The following ITPR3 variants were observed in gnomAD, a reference collection of about 807,000 sequenced individuals.
ITPR3 encodes the protein inositol 1,4,5-trisphosphate receptor type 3.
In ITPR3, 173 loss-of-function variants were observed where a neutral mutation model predicts 293.2. That is an observed-to-expected ratio of 0.59 (90% CI 0.52 to 0.67). The LOEUF is 0.67. Among genes scored for constraint, ITPR3 ranks in the 30% least tolerant of loss-of-function variants. The pLI is 0.00. For synonymous variants in ITPR3, 1,295 were observed against 1,444.4 expected (o/e 0.90, Z 2.35); for missense variants, 2,796 against 3,592.1 (o/e 0.78, Z 5.66).
Position 33,684,533 on chromosome 6 carries a change from C to G in ITPR3, c.5047-65C>G, listed in dbSNP as rs1765169793. On this transcript the variant is annotated intron_variant, in intron 37 of 57. Coordinates refer to ENST00000605930, the MANE Select transcript of ITPR3 (RefSeq NM_002224.4). This position sits in a 1 kb window ranked among gnomAD's most constrained non-coding sequence, Gnocchi z 4.2. ...AGTACCCAGGGGCTCAGGGTCAAGC[C>G]CGTCAGGCCAGTGGTCAGTGGTGGG... The G allele has an allele frequency of 6.2e-7, 1 of 1,606,480 alleles. No individual in the cohort carries two copies. Among genetic ancestry groups the G allele is most frequent in the African/African-American group, 1.3e-5 (1 of 74,756 alleles).
At position 33,664,882 on chromosome 6, in the gene ITPR3, C is replaced by T. The variant is rs752458637; in HGVS notation, c.1161C>T (p.Val387=). The T allele has an allele frequency of 2.1e-5, 34 of 1,613,694 alleles. 1 individual carries two copies. Among genetic ancestry groups the T allele is most frequent in the Non-Finnish European group, 1.7e-6 (2 of 1,180,000 alleles). ...CACCCACCTGCAGGAACTCGTACGTCCGGCTGCGGCACCTCTGCACCAACA... is the reference window on the plus strand; with the variant it reads ...CACCCACCTGCAGGAACTCGTACGTTCGGCTGCGGCACCTCTGCACCAACA... ...TDSFVPRNSY[V]RLRHLCTNTW... is the part of the protein sequence containing the mutation. The change falls in exon 12 of 58, where the codon GTC becomes GTT. Residue 387 remains valine, a synonymous_variant. Coordinates refer to ENST00000605930, the MANE Select transcript of ITPR3 (RefSeq NM_002224.4). This position sits in a 1 kb window ranked among gnomAD's most constrained non-coding sequence, Gnocchi z 4.4.
At chr6:33,660,201 C>T (rs559560224) in intron 7 of ITPR3, among the ~76,000 whole-genome samples, 146 of 152,106 alleles carry the variant, frequency 9.6e-4, no homozygotes, top group African/African-American at 3.3e-3. Flanking sequence ...AACCAGCAGA[C>T]GGGGTGTAGA....
At position 33,624,207 on chromosome 6, in the gene ITPR3, G is replaced by C. The variant is rs1763503921; in HGVS notation, c.89+2516G>C. ...ACTGCTTTGTACAAACCACTCTCTGGTGTTCCTCACATTGGAGGCTTCCCT... is the reference window on the plus strand; with the variant it reads ...ACTGCTTTGTACAAACCACTCTCTGCTGTTCCTCACATTGGAGGCTTCCCT... On this transcript the variant is annotated intron_variant, in intron 1 of 57. Transcript: ENST00000605930. This position sits in a 1 kb window ranked among gnomAD's most constrained non-coding sequence, Gnocchi z 4.7. 6.6e-6 allele frequency among the ~76,000 whole-genome samples: 1 copy of C among 152,170 alleles called. No individual in the cohort carries two copies. Among genetic ancestry groups the C allele is most frequent in the Admixed American group, 6.5e-5 (1 of 15,284 alleles).
Position 33,662,517 on chromosome 6 carries a change from G to T in ITPR3, c.712-11G>T. On this transcript the variant is annotated splice_polypyrimidine_tract_variant and intron_variant, in intron 7 of 57. Coordinates refer to ENST00000605930, the MANE Select transcript of ITPR3 (RefSeq NM_002224.4). ...CCGCAGCCATCCTGAGCCACACCCT[G>T]CTGCCTGCAGGGAGACGTGGTGCGG... The T allele has an allele frequency of 6.4e-7, 1 of 1,574,784 alleles. No homozygotes were observed.
At position 33,640,512 on chromosome 6, in the gene ITPR3, C is replaced by T. The variant is rs1478928274; in HGVS notation, c.118C>T (p.Pro40Ser). The change falls in exon 2 of 58, where the codon CCC becomes TCC. Residue 40 changes from proline to serine, a missense_variant. Around this residue, in one of 8 missense-constraint regions of ITPR3, gnomAD observed 22 missense variants for 56.5 expected, o/e 0.39. Transcript: ENST00000605930. ...GGTGGATGACCGCTGTGTGGTGGAG[C>T]CCGCGGCCGGGGACCTGGACAACCC... ...GLVDDRCVVE[P>S]AAGDLDNPPK... The T allele has an allele frequency of 1.2e-6, 2 of 1,613,546 alleles. No homozygotes were observed. Among genetic ancestry groups the T allele is most frequent in the African/African-American group, 1.3e-5 (1 of 74,888 alleles).
At chr6:33,631,592 G>C (rs544464500) in intron 1 of ITPR3, among the ~76,000 whole-genome samples, 15 of 152,220 alleles carry the variant, frequency 9.9e-5, no homozygotes, top group Non-Finnish European at 2.2e-4. Flanking sequence ...GAGCATGAAA[G>C]TGGACAAGGA....
intron 50 of ITPR3, 45 bp from the exon 51 acceptor site, chr6:33,689,989 A>AT: frequency 6.2e-7 from 1 of 1,611,220 alleles, no homozygotes. Flanking sequence ...CAGATTCAGC[A>AT]TAGGTGGTAG....
chr6:33,641,602 G>A (rs1327412687), intron 2 of ITPR3, among the ~76,000 whole-genome samples: 1 of 151,900 alleles, frequency 6.6e-6, no homozygotes, highest in Non-Finnish European at 1.5e-5. Context: ...GGCCCTGGAC[G>A]AACCGCACCA....
chr6:33,690,635 G>A (rs548684361), intron 51 of ITPR3, among the ~76,000 whole-genome samples: 1 of 152,318 alleles, frequency 6.6e-6, no homozygotes, highest in South Asian at 2.1e-4. Context: ...CTGGCATGCA[G>A]CAAGTACATT....
chr6:33,659,028 T>TG lies in ITPR3; in HGVS notation c.541dup (p.Asp181GlyfsTer75). On this transcript the variant is annotated frameshift_variant, in exon 6 of 58. Transcript: ENST00000605930. LOFTEE classifies it high-confidence loss of function. ...TCCCACCTGTCTGCTCAGGTGGTCG[T>TG]GGGGGACAAGGTGATCCTGAATCCT... The TG allele has an allele frequency of 6.2e-7, 1 of 1,613,452 alleles. No individual in the cohort carries two copies.
Position 33,633,555 on chromosome 6 carries a change from G to T in ITPR3, c.90-6929G>T, listed in dbSNP as rs1763733599. 6.6e-6 allele frequency among the ~76,000 whole-genome samples: 1 copy of T among 152,008 alleles called. No individual in the cohort carries two copies. Among genetic ancestry groups the T allele is most frequent in the Non-Finnish European group, 1.5e-5 (1 of 67,936 alleles). ...GCCCTCCGCGGGCAGACGAGCGGGG[G>T]AGAGCAGGAAAGCGCGGGCGCAGCG... On this transcript the variant is annotated intron_variant, in intron 1 of 57. Transcript: ENST00000605930. This position sits in a 1 kb window ranked among gnomAD's most constrained non-coding sequence, Gnocchi z 5.2.
At chr6:33,646,084 C>T (rs972044179) in intron 2 of ITPR3, among the ~76,000 whole-genome samples, 1 of 152,156 alleles carries the variant, frequency 6.6e-6, no homozygotes, top group Admixed American at 6.6e-5. Flanking sequence ...GATCCACCCG[C>T]CTCGGTCTCC....
At position 33,684,933 on chromosome 6, in the gene ITPR3, C is replaced by T. The variant is rs941325106; in HGVS notation, c.5297C>T (p.Thr1766Ile). The T allele has an allele frequency of 6.2e-7, 1 of 1,611,000 alleles. No individual in the cohort carries two copies. Among genetic ancestry groups the T allele is most frequent in the Non-Finnish European group, 8.5e-7 (1 of 1,178,194 alleles). The change falls in exon 39 of 58, where the codon ACA (threonine) becomes ATA (isoleucine). Residue 1766 changes from threonine to isoleucine, a missense_variant. Thr to Ile is a moderately conservative substitution (Grantham distance 89, BLOSUM62 -1). Around this residue, in one of 8 missense-constraint regions of ITPR3, gnomAD observed 704 missense variants for 797.5 expected, o/e 0.88. Coordinates refer to ENST00000605930, the MANE Select transcript of ITPR3 (RefSeq NM_002224.4). This position sits in a 1 kb window ranked among gnomAD's most constrained non-coding sequence, Gnocchi z 4.2. Reference sequence around the variant, plus strand: ...ATCCACCTGCTGGATGGTGGCAACACAGAGATCCAGGTGTGGGGGGCCTGG... The same window carrying T: ...ATCCACCTGCTGGATGGTGGCAACATAGAGATCCAGGTGTGGGGGGCCTGG... ...LAIHLLDGGN[T>I]EIQKSFHNLM...
intron 48 of ITPR3, 73 bp from the exon 49 acceptor site, chr6:33,688,582 CG>C: frequency 6.3e-7 from 1 of 1,588,948 alleles, no homozygotes; most frequent in African/African-American, 1.3e-5. Flanking sequence ...TCCTCCTGAG[CG>C]GGGCCCCACA....
intron 1 of ITPR3, among the ~76,000 whole-genome samples, chr6:33,636,184 C>T (rs1763819672): frequency 6.7e-6 from 1 of 150,318 alleles, no homozygotes; most frequent in South Asian, 2.1e-4. Context: ...CACCTGTAAT[C>T]CCAGCTACTT....
At chr6:33,645,230 A>G (rs2127238247) in intron 2 of ITPR3, among the ~76,000 whole-genome samples, 1 of 152,146 alleles carries the variant, frequency 6.6e-6, no homozygotes, top group Non-Finnish European at 1.5e-5. Context: ...GCTACTCAGG[A>G]GGCTAAGGCA....
chr6:33,631,289 C>T (rs1053483275), intron 1 of ITPR3, among the ~76,000 whole-genome samples: 2 of 152,298 alleles, frequency 1.3e-5, no homozygotes, highest in South Asian at 2.1e-4. Context: ...CATCAAGACG[C>T]GGAGACCAGT....
chr6:33,680,338 G>T lies in ITPR3; in HGVS notation c.4234G>T (p.Ala1412Ser), dbSNP rs201403734. Residue 1412 changes from alanine to serine, a missense_variant, in exon 32 of 58, where the codon GCC becomes TCC. Physicochemically the swap from Ala to Ser is moderately conservative, Grantham distance 99. This residue lies in a region of ITPR3 where 344 missense variants were observed against 460.3 expected (regional missense o/e 0.75). Transcript: ENST00000605930. Reference sequence around the variant, plus strand: ...CCCGCCCACTGCCCAGGTGAAAATGGCCTATGTGAACTTCGTGAACCACTG... The same window carrying T: ...CCCGCCCACTGCCCAGGTGAAAATGTCCTATGTGAACTTCGTGAACCACTG... ...HEDCITEVKMAYVNFVNHCYV... is the reference protein window; with the variant it reads ...HEDCITEVKMSYVNFVNHCYV... 54 of 1,613,362 alleles carry T rather than the reference G, an allele frequency of 3.3e-5. No homozygotes were observed. The highest frequency in any genetic ancestry group is 4.3e-5 in the Non-Finnish European group (51 of 1,179,918).
Position 33,684,490 on chromosome 6 carries a change from CT to C in ITPR3, c.5046+26del. The C allele has an allele frequency of 6.2e-7, 1 of 1,609,450 alleles. No homozygotes were observed. The highest frequency in any genetic ancestry group is 2.2e-5 in the East Asian group (1 of 44,842). The stretch of plus-strand genomic sequence containing the variant: ...GGTGAGTGCCCTGGTGGGGCAAGTG[CT>C]GGGTGGGCCAGTCAGGAGTACCCAG... On this transcript the variant is annotated intron_variant, in intron 37 of 57. Transcript: ENST00000605930. This position sits in a 1 kb window ranked among gnomAD's most constrained non-coding sequence, Gnocchi z 4.2.
Sources: gnomAD v4.1 joint callset for allele counts (sites outside exome capture counted in the v4.1 genomes callset) on GRCh38, gnomAD v4.1.1 for gene constraint, gnomAD v4.1.1 regional missense constraint, Gnocchi (gnomAD v3.1) non-coding constraint, MANE v1.5 for transcripts, NCBI Gene and HGNC (gene_info 2026-07-23, HGNC 2026-07-21) for gene names.